The following USP1 variants were observed in gnomAD, a reference collection of about 807,000 sequenced individuals.
USP1 encodes the protein ubiquitin carboxyl-terminal hydrolase 1.
In USP1, 18 loss-of-function variants were observed where a neutral mutation model predicts 72.2. That is an observed-to-expected ratio of 0.25 (90% CI 0.17 to 0.37). The LOEUF is 0.37. Among genes scored for constraint, USP1 ranks in the 10% least tolerant of loss-of-function variants. The pLI, the probability that USP1 is intolerant of heterozygous loss-of-function variation, is 1.00. For synonymous variants in USP1, 354 were observed against 303.7 expected (o/e 1.17, Z -1.72); for missense variants, 759 against 884.9 (o/e 0.86, Z 1.81).
Position 62,445,365 on chromosome 1 carries a change from A to G in USP1, c.1185A>G (p.Gly395=). Residue 395 remains glycine, a synonymous_variant, in exon 6 of 9, where the codon GGA becomes GGG. Transcript: ENST00000339950. The stretch of plus-strand genomic sequence containing the variant: ...GTGATAACACAACTAATGGTTGTGG[A>G]CTTGAATCTCCAGGAAATACTGTTA... ...CESDNTTNGC[G]LESPGNTVTP... is the part of the protein sequence containing the mutation. 6.2e-7 allele frequency: 1 copy of G among 1,605,944 alleles called. No homozygotes were observed. Among genetic ancestry groups the G allele is most frequent in the South Asian group, 1.1e-5 (1 of 88,774 alleles).
At chr1:62,442,142 TTTAC>T (rs2149204956) in intron 3 of USP1, 49 bp from the exon 4 acceptor site, 1 of 1,202,450 alleles carries the variant, frequency 8.3e-7, no homozygotes, top group East Asian at 2.4e-5. Flanking sequence ...TTTTAATGAT[TTTAC>T]GTGTATTGTT....
intron 8 of USP1, among the ~76,000 whole-genome samples, 155 bp downstream of exon 8, chr1:62,448,821 C>T (rs1174718321): frequency 6.6e-6 from 1 of 152,074 alleles, no homozygotes; most frequent in Non-Finnish European, 1.5e-5. Context: ...AACAGTTTCC[C>T]TGTAAAAATG....
intron 4 of USP1, 86 bp downstream of exon 4, chr1:62,442,385 G>C (rs966681762): frequency 5.0e-5 from 46 of 920,966 alleles, no homozygotes; most frequent in Admixed American, 2.7e-4. Flanking sequence ...AGAGGACTGG[G>C]GGGGTGGATG....
intron 2 of USP1, among the ~76,000 whole-genome samples, chr1:62,441,000 G>A (rs987791732): frequency 1.4e-5 from 2 of 143,836 alleles, no homozygotes; most frequent in African/African-American, 5.5e-5. Flanking sequence ...TTAAGTGAGG[G>A]ATAGCTACAT....
Position 62,450,605 on chromosome 1 carries a change from A to G in USP1, c.1982A>G (p.Lys661Arg), listed in dbSNP as rs1383130020. 6.2e-7 allele frequency: 1 copy of G among 1,614,112 alleles called. No homozygotes were observed. Among genetic ancestry groups the G allele is most frequent in the Admixed American group, 1.7e-5 (1 of 60,024 alleles). Residue 661 changes from lysine to arginine, a missense_variant, in exon 9 of 9, where the codon AAA becomes AGA. Physicochemically the swap from Lys to Arg is conservative, Grantham distance 26. Around this residue, in one of 9 missense-constraint regions of USP1, gnomAD observed 159 missense variants for 140.9 expected, o/e 1.13. Transcript: ENST00000339950. Reference sequence around the variant, plus strand: ...CAGCCAAGTAAAGTTTTGAACAAAAAAAATGTAGAAGCTATTGGACTTCTT... The same window carrying G: ...CAGCCAAGTAAAGTTTTGAACAAAAGAAATGTAGAAGCTATTGGACTTCTT... Reference protein sequence around the residue: ...NTQPSKVLNKKNVEAIGLLGG... With the variant: ...NTQPSKVLNKRNVEAIGLLGG...
Position 62,446,214 on chromosome 1 carries a change from T to C in USP1, c.1249+785T>C, listed in dbSNP as rs1223424132. Among the ~76,000 whole-genome samples, 3 of 152,266 alleles carry C rather than the reference T, an allele frequency of 2.0e-5. No individual in the cohort carries two copies. The South Asian group carries it at 6.2e-4, about 32-fold the overall frequency. ...ACGGTGTACTTACACAACTAGATGC[T>C]AGAGCGTACTACACAACTAGCCTAT... On this transcript the variant is annotated intron_variant, in intron 6 of 8. Transcript: ENST00000339950.
chr1:62,447,164 C>CA (rs1490735956), intron 6 of USP1, among the ~76,000 whole-genome samples, 177 bp from the exon 7 acceptor site: 1 of 152,192 alleles, frequency 6.6e-6, no homozygotes, highest in East Asian at 1.9e-4. Flanking sequence ...TTTATCTTTA[C>CA]AGGGACCTTA....
Position 62,443,320 on chromosome 1 carries a change from G to GTA in USP1, c.557+4_557+5dup, listed in dbSNP as rs779921541. ...CAAGGCGACTGCTTAACACACTGAG[G>GTA]TATAGCCTATAATATAATTTTAGGG... On this transcript the variant is annotated splice_donor_variant, in intron 5 of 8. Transcript: ENST00000339950. LOFTEE classifies it high-confidence loss of function. The GTA allele has an allele frequency of 6.3e-7, 1 of 1,598,092 alleles. No individual in the cohort carries two copies. Among genetic ancestry groups the GTA allele is most frequent in the Non-Finnish European group, 8.5e-7 (1 of 1,175,864 alleles).
At chr1:62,449,013 G>T in intron 8 of USP1, among the ~76,000 whole-genome samples, 1 of 152,040 alleles carries the variant, frequency 6.6e-6, no homozygotes, top group Non-Finnish European at 1.5e-5. Flanking sequence ...CTTCTGAGTA[G>T]CTGGGACTAC....
Position 62,448,684 on chromosome 1 carries a change from G to T in USP1, c.1622+18G>T. The T allele has an allele frequency of 6.2e-7, 1 of 1,606,630 alleles. No individual in the cohort carries two copies. The highest frequency in any genetic ancestry group is 1.1e-5 in the South Asian group (1 of 90,552). On this transcript the variant is annotated intron_variant, in intron 8 of 8. Transcript: ENST00000339950. ...GGTTTGGAGTAAGTATTGTAAATAAGAACTATATGAAGAAAATGAGCTGCT... is the reference window on the plus strand; with the variant it reads ...GGTTTGGAGTAAGTATTGTAAATAATAACTATATGAAGAAAATGAGCTGCT...
chr1:62,449,111 T>C (rs571555564), intron 8 of USP1, among the ~76,000 whole-genome samples: 1 of 152,182 alleles, frequency 6.6e-6, no homozygotes, highest in Non-Finnish European at 1.5e-5. Flanking sequence ...CTTGAACTTC[T>C]GGACTCAAGC....
In USP1 at chr1:62,440,032, T is replaced by A; in HGVS notation, c.165T>A (p.Ser55=). ...AAAAAGCTTCTGAATATAGAGCATC[T>A]GAAATGTATGTATCTTACATTTCTG... ...NEEKASEYRA[S]EIDQVVPAAQ... Residue 55 remains serine, a synonymous_variant, in exon 2 of 9, where the codon TCT becomes TCA. Coordinates refer to ENST00000339950, the MANE Select transcript of USP1 (RefSeq NM_003368.5). 1 of 1,511,664 alleles carries A rather than the reference T, an allele frequency of 6.6e-7. No individual in the cohort carries two copies. The highest frequency in any genetic ancestry group is 8.8e-7 in the Non-Finnish European group (1 of 1,136,314). 93.6% of individuals were successfully genotyped at this position (1,511,664 alleles called of 1,614,324 possible).
At chr1:62,440,105 T>G in intron 2 of USP1, 68 bp downstream of exon 2, 1 of 1,328,364 alleles carries the variant, frequency 7.5e-7, no homozygotes, top group South Asian at 2.1e-5. Context: ...GGTTGACAAC[T>G]CCAGTCTGAC....
intron 7 of USP1, among the ~76,000 whole-genome samples, chr1:62,448,095 T>G (rs906586351): frequency 3.9e-5 from 6 of 152,202 alleles, no homozygotes; most frequent in Non-Finnish European, 7.3e-5. Flanking sequence ...CTACTGAGGT[T>G]GTTTTTAACA....
rs749089486 is a variant in USP1, at chr1:62,450,929, C to T, written c.2306C>T (p.Pro769Leu). The T allele has an allele frequency of 1.2e-6, 2 of 1,611,358 alleles. No individual in the cohort carries two copies. The highest frequency in any genetic ancestry group is 1.7e-6 in the Non-Finnish European group (2 of 1,179,294). The change falls in exon 9 of 9, where the codon CCT (proline) becomes CTT (leucine). Residue 769 changes from proline (P) to leucine (L), a missense_variant. Transcript: ENST00000339950. ...AAGGACTTTCTGAATTCTCTTTCCCCTTCTACATCTCCTACTTCTACTCCT... is the reference window on the plus strand; with the variant it reads ...AAGGACTTTCTGAATTCTCTTTCCCTTTCTACATCTCCTACTTCTACTCCT... ...EEKDFLNSLS[P>L]STSPTSTPYL...
At chr1:62,441,142 A>T (rs1046317674) in intron 2 of USP1, among the ~76,000 whole-genome samples, 1 of 152,104 alleles carries the variant, frequency 6.6e-6, no homozygotes, top group Non-Finnish European at 1.5e-5. Context: ...GTTTATTCCC[A>T]GGTTTCTGTT....
Position 62,448,710 on chromosome 1 carries a change from G to GT in USP1, c.1622+45dup. 5 of 1,573,014 alleles carry GT rather than the reference G, an allele frequency of 3.2e-6. No individual in the cohort carries two copies. In the East Asian group the frequency reaches 1.1e-4, roughly 35 times the overall value. ...AACTATATGAAGAAAATGAGCTGCT[G>GT]TAGAAGATAAGTCTTGTTCAAAATG... is the stretch of plus-strand genomic sequence containing the variant. On this transcript the variant is annotated intron_variant, in intron 8 of 8. Coordinates refer to ENST00000339950, the MANE Select transcript of USP1 (RefSeq NM_003368.5).
intron 6 of USP1, 35 bp from the exon 7 acceptor site, chr1:62,447,306 C>CTGTATA: frequency 6.4e-7 from 1 of 1,565,912 alleles, no homozygotes; most frequent in Non-Finnish European, 8.6e-7. Flanking sequence ...AGAAACTAAT[C>CTGTATA]TGTATAGACT....
chr1:62,451,233 C>G lies in USP1; in HGVS notation c.*252C>G. On this transcript the variant is annotated 3_prime_UTR_variant, in exon 9 of 9. Coordinates refer to ENST00000339950, the MANE Select transcript of USP1 (RefSeq NM_003368.5). The stretch of plus-strand genomic sequence containing the variant: ...TTGTATCGGTTCTTAATTAAATTAT[C>G]CAAAACGGAGGCATTTAAACACTTG... 1 of 320,988 alleles carries G rather than the reference C, an allele frequency of 3.1e-6. No homozygotes were observed. Among genetic ancestry groups the G allele is most frequent in the Non-Finnish European group, 5.6e-6 (1 of 179,960 alleles). The allele number at this position is 320,988 out of a possible 1,614,324, so 19.9% of individuals were successfully genotyped here.
Sources: gnomAD v4.1 joint callset for allele counts (sites outside exome capture counted in the v4.1 genomes callset) on GRCh38, gnomAD v4.1.1 for gene constraint, gnomAD v4.1.1 regional missense constraint, MANE v1.5 for transcripts, NCBI Gene and HGNC (gene_info 2026-07-23, HGNC 2026-07-21) for gene names.